Variants in BRF1 observed in about 807,000 individuals in gnomAD.
The protein encoded by BRF1 is transcription factor IIIB 90 kDa subunit.
BRF1 carries 59 observed loss-of-function variants against 81.7 expected under a neutral mutation model. The ratio of observed to expected loss-of-function variants is 0.72; its 90% CI spans 0.59 to 0.90. The LOEUF (loss-of-function observed/expected upper bound fraction) is 0.90. Ranked by LOEUF, BRF1 falls within the 40% of genes least tolerant of loss-of-function variation. The probability of loss-of-function intolerance (pLI) is 0.00; values close to 1 mark genes in which losing one functional copy is unlikely to be tolerated. For synonymous variants in BRF1, 491 were observed against 395.6 expected (o/e 1.24, Z -2.86); for missense variants, 1,050 against 936.3 (o/e 1.12, Z -1.58).
chr14:105,251,723 G>T (rs927822928), intron 5 of BRF1, among the ~76,000 whole-genome samples: 2 of 152,016 alleles, frequency 1.3e-5, no homozygotes, highest in African/African-American at 4.8e-5. Flanking sequence ...AACAGGCAAA[G>T]TAAGAAAGGG....
chr14:105,229,058 T>G (rs1159057807), intron 6 of BRF1, 145 bp from the exon 7 acceptor site: 1 of 739,670 alleles, frequency 1.4e-6, no homozygotes, highest in Non-Finnish European at 2.4e-6. Flanking sequence ...GACCCTCACT[T>G]GGCATGGCTA....
rs587640359 is a variant in BRF1, at chr14:105,265,664, G to A, written c.439+7057C>T. On this transcript the variant is annotated intron_variant, in intron 3 of 17. Coordinates refer to ENST00000547530, the MANE Select transcript of BRF1 (RefSeq NM_001519.4). ...GTAATCCCAGCAGTATTGGGAGGCC[G>A]AGGCGGATGGATCACGAGGTCAGGA... is the stretch of plus-strand genomic sequence containing the variant. Among the ~76,000 whole-genome samples, 16 of 152,082 alleles carry A rather than the reference G, an allele frequency of 1.1e-4. 1 individual carries two copies. The South Asian group carries it at 2.1e-3, about 20-fold the overall frequency.
Position 105,315,051 on chromosome 14 carries a change from G to A in BRF1, c.-162+271C>T. The A allele has an allele frequency of 3.4e-6, 4 of 1,163,712 alleles. No individual in the cohort carries two copies. The highest frequency in any genetic ancestry group is 3.6e-4 in the Middle Eastern group (1 of 2,782). The allele number at this position is 1,163,712 out of a possible 1,614,324, so 72.1% of individuals were successfully genotyped here. Reference sequence around the variant, plus strand: ...CTGCGTGCCCAGGTACGCGCCGCCCGCCGCGCTTTGTTCCCGCCGGGCACC... The same window carrying A: ...CTGCGTGCCCAGGTACGCGCCGCCCACCGCGCTTTGTTCCCGCCGGGCACC... On this transcript the variant is annotated intron_variant, in intron 1 of 17. Transcript: ENST00000327359. This position sits in a 1 kb window ranked among gnomAD's most constrained non-coding sequence, Gnocchi z 4.4.
At chr14:105,308,057 G>A (rs1242045371) in intron 1 of BRF1, among the ~76,000 whole-genome samples, 16 of 152,048 alleles carry the variant, frequency 1.1e-4, no homozygotes, top group Non-Finnish European at 1.5e-5. Flanking sequence ...GGTGGTGCGT[G>A]CCTCTAGTTC....
At chr14:105,223,979 T>C (rs1406263859) in intron 10 of BRF1, among the ~76,000 whole-genome samples, 3 of 152,234 alleles carry the variant, frequency 2.0e-5, no homozygotes, top group Non-Finnish European at 2.9e-5. Context: ...AGTTTAACGA[T>C]GTACAGCCAA....
At chr14:105,229,378 G>T (rs997828467) in intron 6 of BRF1, among the ~76,000 whole-genome samples, 1 of 152,218 alleles carries the variant, frequency 6.6e-6, no homozygotes, top group African/African-American at 2.4e-5. Context: ...CAGATGGAAC[G>T]GCTTCTCAGG....
chr14:105,229,030 G>C (rs956253536), intron 6 of BRF1, 117 bp from the exon 7 acceptor site: 5 of 906,366 alleles, frequency 5.5e-6, no homozygotes, highest in Admixed American at 1.7e-5. Context: ...GAGAAGACGT[G>C]TCTGTGCCAG....
At chr14:105,288,205 G>A (rs113050877) in intron 1 of BRF1, among the ~76,000 whole-genome samples, 2 of 151,920 alleles carry the variant, frequency 1.3e-5, no homozygotes, top group African/African-American at 2.4e-5. Context: ...TTGTAATCCC[G>A]GCACTTTGGG....
At chr14:105,298,854 CA>C (rs1202505629) in intron 1 of BRF1, among the ~76,000 whole-genome samples, 345 of 124,532 alleles carry the variant, frequency 2.8e-3, no homozygotes, top group Middle Eastern at 4.5e-3. Context: ...GATTCTGTCT[CA>C]AAAAAAAAAA....
chr14:105,254,043 T>C (rs1451585283), intron 4 of BRF1, among the ~76,000 whole-genome samples: 1 of 152,216 alleles, frequency 6.6e-6, no homozygotes, highest in African/African-American at 2.4e-5. Context: ...TTGATCGTCC[T>C]GATCCCACCA....
intron 4 of BRF1, among the ~76,000 whole-genome samples, chr14:105,253,528 G>C (rs1338702438): frequency 6.6e-6 from 1 of 152,246 alleles, no homozygotes; most frequent in African/African-American, 2.4e-5. Flanking sequence ...TGGCCCGCCA[G>C]TGGCACTTCC....
Position 105,272,825 on chromosome 14 carries a change from T to A in BRF1, c.335A>T (p.Asn112Ile), listed in dbSNP as rs765101934. ...CCTGCTCACGGCCATCTTGAAGAAG[T>A]TGAAGGCGGTGTCCAGGCAGTGCTG... ...LNQHCLDTAF[N>I]FFKMAVSRHL... is the part of the protein sequence containing the mutation. Residue 112 changes from asparagine (N) to isoleucine (I), a missense_variant, in exon 3 of 18, where the codon AAC becomes ATC. Physicochemically the swap from Asn to Ile is moderately radical, Grantham distance 149 (BLOSUM62 -3). Coordinates refer to ENST00000547530, the MANE Select transcript of BRF1 (RefSeq NM_001519.4). The A allele has an allele frequency of 1.5e-5, 25 of 1,613,888 alleles. No homozygotes were observed. The highest frequency in any genetic ancestry group is 3.3e-5 in the Admixed American group (2 of 59,994).
At chr14:105,267,108 A>G (rs1382640401) in intron 3 of BRF1, among the ~76,000 whole-genome samples, 4 of 152,230 alleles carry the variant, frequency 2.6e-5, no homozygotes, top group African/African-American at 9.6e-5. Context: ...TGTGTGCATT[A>G]AAGGAGAGAC....
At chr14:105,297,852 C>A (rs1165153383) in intron 1 of BRF1, among the ~76,000 whole-genome samples, 1 of 151,636 alleles carries the variant, frequency 6.6e-6, no homozygotes, top group Admixed American at 6.6e-5. Context: ...AAAAATTAGC[C>A]GGGCGTGGTG....
rs747793853 is a variant in BRF1 at position 105,212,184 on chromosome 14, A to G, written c.1773-20T>C. 2 of 1,608,858 alleles carry G rather than the reference A, an allele frequency of 1.2e-6. No homozygotes were observed. The highest frequency in any genetic ancestry group is 8.5e-7 in the Non-Finnish European group (1 of 1,177,830). On this transcript the variant is annotated intron_variant, in intron 15 of 17. Transcript: ENST00000547530. ...CTCAACCTGCAAAAGGAAGCACAGC[A>G]TGGCGGCCTCAGCCCAGGCTCCCGA...
chr14:105,305,643 T>C (rs2058165284), upstream of BRF1, among the ~76,000 whole-genome samples: 1 of 152,282 alleles, frequency 6.6e-6, no homozygotes, highest in South Asian at 2.1e-4. Context: ...CCCCACGTGA[T>C]GTGAAGGCAT....
At chr14:105,241,100 G>C (rs1035073806) in intron 6 of BRF1, among the ~76,000 whole-genome samples, 165 bp downstream of exon 6, 3 of 152,226 alleles carry the variant, frequency 2.0e-5, no homozygotes, top group Admixed American at 6.5e-5. Context: ...AGGTCCTGGA[G>C]GGCTGAGGAC....
At position 105,297,106 on chromosome 14, in the gene BRF1, C is replaced by T. The variant is rs587635235; in HGVS notation, c.184+3340G>A. Among the ~76,000 whole-genome samples the T allele has an allele frequency of 9.9e-5, 15 of 151,904 alleles. No individual in the cohort carries two copies. In the East Asian group the frequency reaches 1.2e-3, roughly 12 times the overall value. On this transcript the variant is annotated intron_variant, in intron 1 of 17. Transcript: ENST00000547530. ...CCAAGAGGCAGAGGTTGCAGTGAGC[C>T]GAGGTTGCACCACTGCACTCCAGCC...
intron 3 of BRF1, among the ~76,000 whole-genome samples, chr14:105,266,649 C>A (rs372871843): frequency 6.6e-6 from 1 of 152,048 alleles, no homozygotes; most frequent in East Asian, 1.9e-4. Context: ...AACACCCCTC[C>A]CAGGACAGGA....
Sources: allele counts gnomAD v4.1 joint callset (sites outside exome capture counted in the v4.1 genomes callset), GRCh38; gene constraint gnomAD v4.1.1; non-coding constraint Gnocchi (gnomAD v3.1); transcripts MANE v1.5; gene names NCBI Gene and HGNC (gene_info 2026-07-23, HGNC 2026-07-21).